Variants in COL4A1 observed in about 807,000 individuals in gnomAD.
The protein encoded by COL4A1 is collagen alpha-1(IV) chain.
Under a neutral mutation model 216.6 loss-of-function variants are expected in COL4A1, and 40 were observed. The ratio of observed to expected loss-of-function variants is 0.18; its 90% CI spans 0.14 to 0.24. The LOEUF is 0.24. COL4A1 is among the 10% of genes least tolerant of loss of function. The pLI, the probability that COL4A1 is intolerant of heterozygous loss-of-function variation, is 1.00. For synonymous variants in COL4A1, 839 were observed against 810.7 expected, an observed-to-expected ratio of 1.03 and a Z score of -0.59; for missense variants, 1,628 against 2,196.8, an observed-to-expected ratio of 0.74 and a Z score of 5.18.
intron 1 of COL4A1, chr13:110,265,855 G>T (rs1026002340): frequency 6.6e-6 from 1 of 152,164 alleles, no homozygotes; most frequent in Non-Finnish European, 1.5e-5. Context: ...TTTATCCCCA[G>T]CACGAATTTC....
At chr13:110,231,789 C>G (rs1344085982) in intron 2 of COL4A1, among the ~76,000 whole-genome samples, 1 of 152,144 alleles carries the variant, frequency 6.6e-6, no homozygotes, top group East Asian at 1.9e-4. Flanking sequence ...TAGGGAAAAC[C>G]ACTTCAAAAT....
At chr13:110,226,064 G>A (rs1172832000) in intron 2 of COL4A1, among the ~76,000 whole-genome samples, 1 of 152,114 alleles carries the variant, frequency 6.6e-6, no homozygotes, top group Non-Finnish European at 1.5e-5. Context: ...CAAGCCAGCT[G>A]CATTTCCTCT....
In COL4A1 at chr13:110,155,332, G is replaced by A. The variant is rs75885959; in HGVS notation, c.4706C>T (p.Pro1569Leu). The A allele has an allele frequency of 2.7e-5, 44 of 1,614,188 alleles. No individual in the cohort carries two copies. In the East Asian group the frequency reaches 3.8e-4, roughly 14 times the overall value. ...CAGCGAGGACCACCCGCTGGGGCAC[G>A]GTGGGATCTGAATGGTCTGGCTGTG... is the stretch of plus-strand genomic sequence containing the variant. ...AVHSQTIQIPPCPSGWSSLWI... is the reference protein window; with the variant it reads ...AVHSQTIQIPLCPSGWSSLWI... The change falls in exon 50 of 52, where the codon CCG becomes CTG. Residue 1569 changes from proline (P) to leucine (L), a missense_variant. Physicochemically the swap from Pro to Leu is moderately conservative, Grantham distance 98. This residue lies in a region of COL4A1 where 254 missense variants were observed against 300.1 expected (regional missense o/e 0.85). Coordinates refer to ENST00000375820, the MANE Select transcript of COL4A1 (RefSeq NM_001845.6).
At chr13:110,214,130 G>T (rs750133155) in intron 2 of COL4A1, 115 bp from the exon 3 acceptor site, 1 of 852,994 alleles carries the variant, frequency 1.2e-6, no homozygotes, top group Non-Finnish European at 2.0e-6. Flanking sequence ...GTCTCATTCT[G>T]TTGCCCAGGC....
rs890097179 is a variant in COL4A1, at chr13:110,268,903, G to A, written c.85-26169C>T. Among the ~76,000 whole-genome samples, 1 of 152,180 alleles carries A rather than the reference G, an allele frequency of 6.6e-6. No individual in the cohort carries two copies. Among genetic ancestry groups the A allele is most frequent in the Admixed American group, 6.5e-5 (1 of 15,278 alleles). The stretch of plus-strand genomic sequence containing the variant: ...AGTGGAAAGGAACCCAAGGAGGAGG[G>A]AGTGGGAACACCACCTTCCAGAGCC... On this transcript the variant is annotated intron_variant, in intron 1 of 51. Transcript: ENST00000375820. This position sits in a 1 kb window ranked among gnomAD's most constrained non-coding sequence, Gnocchi z 4.1.
chr13:110,277,453 G>T (rs1172910444), intron 1 of COL4A1, among the ~76,000 whole-genome samples: 1 of 152,084 alleles, frequency 6.6e-6, no homozygotes, highest in Non-Finnish European at 1.5e-5. Context: ...AATCCCTCCT[G>T]CAAAGGTACT....
intron 50 of COL4A1, 62 bp from the exon 51 acceptor site, chr13:110,152,568 G>C (rs953043304): frequency 1.0e-5 from 16 of 1,549,676 alleles, no homozygotes; most frequent in Middle Eastern, 2.2e-4. Context: ...GAAAGAGATC[G>C]ATCCTTCCCA....
chr13:110,177,512 AG>A (rs1877939657), intron 33 of COL4A1, among the ~76,000 whole-genome samples: 1 of 152,226 alleles, frequency 6.6e-6, no homozygotes. Context: ...AAACTTGCGC[AG>A]GTTGTTAATC....
intron 1 of COL4A1, among the ~76,000 whole-genome samples, chr13:110,259,764 T>C (rs1387186660): frequency 1.3e-5 from 2 of 152,222 alleles, no homozygotes; most frequent in African/African-American, 4.8e-5. Flanking sequence ...AATTTAATGG[T>C]CACAGAAATC....
At chr13:110,196,839 C>T (rs952096213) in intron 21 of COL4A1, among the ~76,000 whole-genome samples, 1 of 152,168 alleles carries the variant, frequency 6.6e-6, no homozygotes, top group Non-Finnish European at 1.5e-5. Context: ...AATGCTCTAT[C>T]GATAAGTCCT....
intron 2 of COL4A1, among the ~76,000 whole-genome samples, chr13:110,219,820 A>ATATATGTGTATATGTG (rs1566385553): frequency 1.9e-5 from 2 of 104,374 alleles, no homozygotes; most frequent in Non-Finnish European, 3.9e-5. Context: ...GTATATATGT[A>ATATATGTGTATATGTG]TATATATGTA....
chr13:110,210,449 G>GAGAC (rs1451715821), intron 8 of COL4A1, among the ~76,000 whole-genome samples: 1 of 151,972 alleles, frequency 6.6e-6, no homozygotes, highest in Non-Finnish European at 1.5e-5. Flanking sequence ...ACTGAATGTA[G>GAGAC]AGACGGCAAA....
At position 110,264,816 on chromosome 13, in the gene COL4A1, T is replaced by TGATG. The variant is rs369367746; in HGVS notation, c.85-22086_85-22083dup. On this transcript the variant is annotated intron_variant, in intron 1 of 51. Coordinates refer to ENST00000375820, the MANE Select transcript of COL4A1 (RefSeq NM_001845.6). ...CCTTCCTCTCCCCTTACTCAGGGGT[T>TGATG]GATGGGGGGATTGAAGGCCACTGGA... Among the ~76,000 whole-genome samples, 179 of 152,222 alleles carry TGATG rather than the reference T, an allele frequency of 1.2e-3. 1 individual carries two copies. Among genetic ancestry groups the TGATG allele is most frequent in the African/African-American group, 4.1e-3 (172 of 41,526 alleles).
intron 8 of COL4A1, 88 bp from the exon 9 acceptor site, chr13:110,210,300 A>G: frequency 7.9e-7 from 1 of 1,264,634 alleles, no homozygotes; most frequent in Admixed American, 1.9e-5. Flanking sequence ...GGCATATATT[A>G]GTGTTACAGG....
intron 2 of COL4A1, among the ~76,000 whole-genome samples, chr13:110,231,826 T>A (rs566357694): frequency 2.0e-5 from 3 of 152,180 alleles, no homozygotes. Flanking sequence ...TGCCACAGAC[T>A]TGGGTACTCA....
At chr13:110,180,979 C>G (rs1162415603) in intron 29 of COL4A1, among the ~76,000 whole-genome samples, 3 of 152,214 alleles carry the variant, frequency 2.0e-5, no homozygotes, top group Non-Finnish European at 4.4e-5. Context: ...GGCTTTCAAA[C>G]AGCCTTCATC....
At chr13:110,195,513 A>T (rs971302357) in intron 21 of COL4A1, among the ~76,000 whole-genome samples, 1 of 152,202 alleles carries the variant, frequency 6.6e-6, no homozygotes, top group Non-Finnish European at 1.5e-5. Flanking sequence ...CAAAGCTGAG[A>T]CTAGAAAAAT....
At chr13:110,183,612 G>T (rs1878276364) in intron 26 of COL4A1, among the ~76,000 whole-genome samples, 1 of 152,222 alleles carries the variant, frequency 6.6e-6, no homozygotes, top group African/African-American at 2.4e-5. Context: ...TTCTTAGTGA[G>T]CCGGTCTCAA....
rs542472655 is a variant in COL4A1 at position 110,173,928 on chromosome 13, C to T, written c.3477G>A (p.Pro1159=). ...QKGEPGSDGI[P]GSAGEKGEPG... The stretch of plus-strand genomic sequence containing the variant: ...GTTCACCCTTCTCTCCTGCTGACCC[C>T]GGGATTCCATCACTGCCTGGCTCCC... The change falls in exon 40 of 52, where the codon CCG becomes CCA. Residue 1159 remains proline (P), a synonymous_variant. Coordinates refer to ENST00000375820, the MANE Select transcript of COL4A1 (RefSeq NM_001845.6). The T allele has an allele frequency of 4.4e-5, 71 of 1,614,174 alleles. No homozygotes were observed. The highest frequency in any genetic ancestry group is 3.5e-4 in the South Asian group (32 of 91,084).
Sources: allele counts gnomAD v4.1 joint callset (sites outside exome capture counted in the v4.1 genomes callset), GRCh38; gene constraint gnomAD v4.1.1; regional missense constraint gnomAD v4.1.1; non-coding constraint Gnocchi (gnomAD v3.1); transcripts MANE v1.5; gene names NCBI Gene and HGNC (gene_info 2026-07-23, HGNC 2026-07-21).